ADGRL3: variants seen among roughly 807,000 people sequenced by gnomAD.
The protein encoded by ADGRL3 is adhesion G protein-coupled receptor L3.
In ADGRL3, 62 loss-of-function variants were observed where a neutral mutation model predicts 153.5. That is an observed-to-expected ratio of 0.40 (90% CI 0.33 to 0.50). ADGRL3 has a LOEUF of 0.50. Ranked by LOEUF, ADGRL3 falls within the 20% of genes least tolerant of loss-of-function variation. The probability of loss-of-function intolerance (pLI) is 0.47; values close to 1 mark genes in which losing one functional copy is unlikely to be tolerated. For synonymous variants in ADGRL3, 710 were observed against 672.5 expected (o/e 1.06, Z -0.86); for missense variants, 1,641 against 1,859.4 (o/e 0.88, Z 2.16).
chr4:61,645,218 A>G (rs2150269360), intron 5 of ADGRL3, among the ~76,000 whole-genome samples: 1 of 152,194 alleles, frequency 6.6e-6, no homozygotes, highest in South Asian at 2.1e-4. Context: ...CAGCACACTG[A>G]TGGGTCTTGG....
chr4:61,857,066 C>T (rs1478968816), intron 9 of ADGRL3, among the ~76,000 whole-genome samples: 1 of 147,876 alleles, frequency 6.8e-6, no homozygotes, highest in African/African-American at 2.5e-5. Context: ...CCCTCTCTCT[C>T]TCTTTCTTTC....
intron 8 of ADGRL3, among the ~76,000 whole-genome samples, chr4:61,785,680 T>C (rs774262304): frequency 5.9e-5 from 9 of 152,188 alleles, no homozygotes; most frequent in Non-Finnish European, 1.3e-4. Context: ...TTTAACCAAA[T>C]AAAAGCTCAT....
At position 61,935,826 on chromosome 4, in the gene ADGRL3, C is replaced by T. The variant is rs992645724; in HGVS notation, c.2297-97C>T. 29 of 1,035,952 alleles carry T rather than the reference C, an allele frequency of 2.8e-5. No homozygotes were observed. The South Asian group carries it at 5.5e-4, about 20-fold the overall frequency. The allele number at this position is 1,035,952 out of a possible 1,614,324, so 64.2% of individuals were successfully genotyped here. A position where few individuals can be genotyped will look rare whatever the true frequency, so the allele number is the denominator to read the frequency against. On this transcript the variant is annotated intron_variant, in intron 14 of 26. Coordinates refer to ENST00000683033, the MANE Select transcript of ADGRL3 (RefSeq NM_001387552.1). ...AGCATGACAAATAGAATAAGAATTC[C>T]AGTATTTTGATTTCAGAAATACTGC...
chr4:61,548,012 T>C (rs989456346), intron 4 of ADGRL3, among the ~76,000 whole-genome samples: 2 of 151,980 alleles, frequency 1.3e-5, no homozygotes, highest in African/African-American at 4.8e-5. Context: ...TGAGTATTTT[T>C]TCATATGCTT....
At chr4:61,946,308 A>G (rs1274034429) in intron 15 of ADGRL3, among the ~76,000 whole-genome samples, 21 of 152,044 alleles carry the variant, frequency 1.4e-4, no homozygotes, top group Admixed American at 1.2e-3. Context: ...TCATTCTCTA[A>G]TTACTAATGA....
intron 1 of ADGRL3, among the ~76,000 whole-genome samples, chr4:61,237,468 A>T (rs569029791): frequency 2.0e-5 from 3 of 152,200 alleles, no homozygotes; most frequent in South Asian, 2.1e-4. Flanking sequence ...AGAAGAGATC[A>T]TCACAAACAA....
At chr4:61,645,486 G>C (rs1414744014) in intron 5 of ADGRL3, among the ~76,000 whole-genome samples, 1 of 151,462 alleles carries the variant, frequency 6.6e-6, no homozygotes, top group Admixed American at 6.6e-5. Context: ...GCCTGGTGGT[G>C]ACAAAATCTC....
intron 5 of ADGRL3, among the ~76,000 whole-genome samples, chr4:61,657,118 C>G (rs933753327): frequency 6.6e-6 from 1 of 152,132 alleles, no homozygotes; most frequent in South Asian, 2.1e-4. Flanking sequence ...TTTTTCCCCT[C>G]TCTGCTCTTG....
chr4:61,607,146 G>A (rs565190687), intron 5 of ADGRL3, among the ~76,000 whole-genome samples: 1 of 152,274 alleles, frequency 6.6e-6, no homozygotes, highest in East Asian at 1.9e-4. Context: ...AATGGGTGCT[G>A]CTGATGAGTG....
chr4:61,978,916 A>G (rs2099057676), intron 17 of ADGRL3, among the ~76,000 whole-genome samples: 1 of 152,182 alleles, frequency 6.6e-6, no homozygotes, highest in South Asian at 2.1e-4. Flanking sequence ...TGATGTCTTT[A>G]AGCTATTCAA....
At chr4:61,903,838 C>T (rs1356834264) in intron 11 of ADGRL3, among the ~76,000 whole-genome samples, 2 of 151,896 alleles carry the variant, frequency 1.3e-5, no homozygotes, top group Admixed American at 1.3e-4. Context: ...TGTGGCATGG[C>T]CATGTCTCAC....
intron 6 of ADGRL3, among the ~76,000 whole-genome samples, chr4:61,700,022 T>C (rs762169424): frequency 7.9e-5 from 12 of 151,674 alleles, no homozygotes; most frequent in Non-Finnish European, 1.5e-4. Context: ...TCATGTGGGC[T>C]CTGTAAGTTG....
intron 4 of ADGRL3, among the ~76,000 whole-genome samples, chr4:61,581,487 G>T (rs2098925291): frequency 6.6e-6 from 1 of 151,940 alleles, no homozygotes; most frequent in African/African-American, 2.4e-5. Flanking sequence ...AGCTCTTTTT[G>T]AATGAACTTG....
At chr4:61,226,580 G>A (rs983484937) in intron 1 of ADGRL3, among the ~76,000 whole-genome samples, 1 of 152,090 alleles carries the variant, frequency 6.6e-6, no homozygotes. Context: ...TTGACCTTAG[G>A]TGAAATACAA....
chr4:61,913,242 C>G (rs2098730122), intron 13 of ADGRL3, among the ~76,000 whole-genome samples: 1 of 152,088 alleles, frequency 6.6e-6, no homozygotes, highest in Non-Finnish European at 1.5e-5. Context: ...TTACTTATTG[C>G]AAAAACTGTA....
chr4:61,748,930 A>G (rs1181064255), intron 8 of ADGRL3, among the ~76,000 whole-genome samples: 1 of 151,434 alleles, frequency 6.6e-6, no homozygotes, highest in Non-Finnish European at 1.5e-5. Flanking sequence ...GGCAACCTAC[A>G]AAATGGGAGA....
intron 2 of ADGRL3, among the ~76,000 whole-genome samples, chr4:61,437,720 C>T (rs1183091778): frequency 6.6e-6 from 1 of 152,096 alleles, no homozygotes; most frequent in Admixed American, 6.5e-5. Context: ...AATCCATGGG[C>T]AAGATTGTCC....
intron 25 of ADGRL3, among the ~76,000 whole-genome samples, chr4:62,058,633 A>T (rs1738370467): frequency 6.6e-6 from 1 of 152,154 alleles, no homozygotes. Context: ...GTCCTCCCTG[A>T]GCCCCCAAAA....
intron 6 of ADGRL3, among the ~76,000 whole-genome samples, chr4:61,694,929 T>C (rs994878474): frequency 1.3e-5 from 2 of 152,208 alleles, no homozygotes; most frequent in African/African-American, 4.8e-5. Flanking sequence ...TTTTTGTTCA[T>C]TTATAAGTAG....
Sources: gnomAD v4.1 joint callset for allele counts (sites outside exome capture counted in the v4.1 genomes callset) on GRCh38, gnomAD v4.1.1 for gene constraint, MANE v1.5 for transcripts, NCBI Gene and HGNC (gene_info 2026-07-23, HGNC 2026-07-21) for gene names.